TNR: variants seen among roughly 807,000 people sequenced by gnomAD.
TNR encodes tenascin-R.
A neutral mutation model predicts 150.4 loss-of-function variants in TNR; 45 were observed. The observed-to-expected ratio is 0.30, with a 90% CI of 0.24 to 0.38. The LOEUF is 0.38. Ranked by LOEUF, TNR falls within the 10% of genes least tolerant of loss-of-function variation. TNR has a pLI of 1.00. For synonymous variants in TNR, 687 were observed against 678.4 expected, an observed-to-expected ratio of 1.01 and a Z score of -0.20; for missense variants, 1,544 against 1,759.1, an observed-to-expected ratio of 0.88 and a Z score of 2.19.
At chr1:175,399,802 T>G (rs1653612753) in intron 4 of TNR, among the ~76,000 whole-genome samples, 4 of 152,348 alleles carry the variant, frequency 2.6e-5, no homozygotes, top group African/African-American at 9.6e-5. Context: ...GGGTTGCTTA[T>G]CTGCAAAGAT....
chr1:175,436,817 T>C (rs1655532714), intron 2 of TNR, among the ~76,000 whole-genome samples: 2 of 152,196 alleles, frequency 1.3e-5, no homozygotes. Context: ...AGGGATCAAT[T>C]CAACAAGAAC....
Position 175,536,358 on chromosome 1 carries a change from A to G in TNR, c.-164-7989T>C, listed in dbSNP as rs982622958. On this transcript the variant is annotated intron_variant, in intron 1 of 22. Coordinates refer to ENST00000367674, the MANE Select transcript of TNR (RefSeq NM_003285.3). ...GCCTTGGGAGGAAGAAATGACTGGC[A>G]TCTGTGGACATTGCCATGGCTAGGG... Among the ~76,000 whole-genome samples the G allele has an allele frequency of 1.4e-4, 21 of 152,218 alleles. 1 individual carries two copies. The highest frequency in any genetic ancestry group is 1.3e-3 in the Admixed American group (20 of 15,278).
intron 1 of TNR, among the ~76,000 whole-genome samples, chr1:175,678,355 C>T (rs919944123): frequency 7.2e-5 from 11 of 152,338 alleles, no homozygotes; most frequent in East Asian, 1.9e-4. Context: ...ACTGAATTCA[C>T]ATCTCCAGAG....
intron 2 of TNR, among the ~76,000 whole-genome samples, chr1:175,429,280 T>C (rs1655153417): frequency 1.3e-5 from 2 of 152,190 alleles, no homozygotes; most frequent in South Asian, 2.1e-4. Flanking sequence ...TATAGATGTA[T>C]ATGTAAATAT....
intron 7 of TNR, among the ~76,000 whole-genome samples, chr1:175,388,776 A>AT (rs1199286694): frequency 6.6e-6 from 1 of 152,344 alleles, no homozygotes; most frequent in South Asian, 2.1e-4. Context: ...TATTAAGGAC[A>AT]TTTTTTCTTA....
At chr1:175,689,536 C>T (rs1025420323) in intron 1 of TNR, among the ~76,000 whole-genome samples, 2 of 152,120 alleles carry the variant, frequency 1.3e-5, no homozygotes, top group Non-Finnish European at 2.9e-5. Flanking sequence ...CCCTTGAATG[C>T]GTGTCTTCCT....
rs1202599766 is a variant in TNR at position 175,315,909 on chromosome 1, A to T, written c.*7448T>A. 1 of 151,854 alleles carries T rather than the reference A, an allele frequency of 6.6e-6. No individual in the cohort carries two copies. The highest frequency in any genetic ancestry group is 1.5e-5 in the Non-Finnish European group (1 of 68,000). 9.4% of individuals were successfully genotyped at this position (151,854 alleles called of 1,614,324 possible). A position where few individuals can be genotyped will look rare whatever the true frequency, so the allele number is the denominator to read the frequency against. On this transcript the variant is annotated 3_prime_UTR_variant, in exon 23 of 23. Transcript: ENST00000367674. ...AGACTCACATAGATTCTAAACCTTG[A>T]GTCTGTGGGACCATGGTGTGAGTCT...
chr1:175,581,942 C>A (rs1662365517), intron 1 of TNR, among the ~76,000 whole-genome samples: 1 of 152,118 alleles, frequency 6.6e-6, no homozygotes, highest in African/African-American at 2.4e-5. Context: ...GAGATATTAT[C>A]TCTGGCCCTA....
intron 1 of TNR, among the ~76,000 whole-genome samples, chr1:175,548,148 C>G (rs956357805): frequency 1.3e-5 from 2 of 152,142 alleles, no homozygotes; most frequent in African/African-American, 2.4e-5. Flanking sequence ...TGAGGCGGCT[C>G]TTACGCAGAG....
chr1:175,376,877 T>TAC (rs1479584249), intron 9 of TNR, among the ~76,000 whole-genome samples: 27 of 124,414 alleles, frequency 2.2e-4, no homozygotes, highest in African/African-American at 7.5e-4. Flanking sequence ...TATATATATA[T>TAC]ATACACATAT....
intron 2 of TNR, among the ~76,000 whole-genome samples, chr1:175,434,124 G>T (rs959360187): frequency 3.0e-4 from 46 of 152,318 alleles, no homozygotes; most frequent in Admixed American, 8.5e-4. Context: ...CGGCCAGATT[G>T]CATTTTCAAG....
intron 2 of TNR, among the ~76,000 whole-genome samples, chr1:175,410,110 G>T (rs770834512): frequency 1.0e-3 from 159 of 152,274 alleles, no homozygotes; most frequent in Non-Finnish European, 1.7e-3. Flanking sequence ...CGACAGAAGT[G>T]GGGTGGTGAG....
intron 1 of TNR, among the ~76,000 whole-genome samples, chr1:175,531,645 G>A (rs1411070660): frequency 1.3e-5 from 2 of 152,208 alleles, no homozygotes; most frequent in African/African-American, 2.4e-5. Context: ...GTAAATGGGT[G>A]TGTTCTTTCT....
chr1:175,485,588 A>G (rs930378998), intron 2 of TNR, among the ~76,000 whole-genome samples: 1 of 152,134 alleles, frequency 6.6e-6, no homozygotes, highest in African/African-American at 2.4e-5. Flanking sequence ...AGGCAGATGA[A>G]TTTAAAGACA....
chr1:175,589,116 A>C (rs570062961), intron 1 of TNR, among the ~76,000 whole-genome samples: 4 of 152,118 alleles, frequency 2.6e-5, no homozygotes, highest in Admixed American at 6.6e-5. Flanking sequence ...TTGACCAACT[A>C]GGATTGAGGA....
chr1:175,415,767 C>T (rs1654414385), intron 2 of TNR, among the ~76,000 whole-genome samples: 1 of 152,172 alleles, frequency 6.6e-6, no homozygotes, highest in African/African-American at 2.4e-5. Context: ...GACACTCTTT[C>T]ATCTGGAGAA....
intron 1 of TNR, among the ~76,000 whole-genome samples, chr1:175,705,179 A>G (rs1666812115): frequency 6.6e-6 from 1 of 152,164 alleles, no homozygotes; most frequent in South Asian, 2.1e-4. Context: ...TTCAGTATTG[A>G]GGCCATGGTC....
chr1:175,742,148 G>A (rs1667947167), intron 1 of TNR, among the ~76,000 whole-genome samples: 1 of 152,188 alleles, frequency 6.6e-6, no homozygotes, highest in African/African-American at 2.4e-5. Flanking sequence ...GCAGATGCAG[G>A]GAATTGACTG....
At chr1:175,574,808 C>T (rs767176317) in intron 1 of TNR, among the ~76,000 whole-genome samples, 2 of 152,176 alleles carry the variant, frequency 1.3e-5, no homozygotes, top group Non-Finnish European at 2.9e-5. Flanking sequence ...CACAGAGGCA[C>T]GGAAGGCAGA....
Sources: allele counts gnomAD v4.1 joint callset (sites outside exome capture counted in the v4.1 genomes callset), GRCh38; gene constraint gnomAD v4.1.1; transcripts MANE v1.5; gene names NCBI Gene and HGNC (gene_info 2026-07-23, HGNC 2026-07-21).